CEP135: variants seen among roughly 807,000 people sequenced by gnomAD.
The protein encoded by CEP135 is centrosomal protein 135, also known as centrosomal protein of 135 kDa.
Under a neutral mutation model 157.3 loss-of-function variants are expected in CEP135, and 142 were observed. The observed-to-expected ratio is 0.90, with a 90% CI of 0.79 to 1.04. The LOEUF (loss-of-function observed/expected upper bound fraction) is 1.04, where lower values mean the gene tolerates loss of function less well. Ranked by LOEUF, CEP135 falls within the 50% of genes least tolerant of loss-of-function variation. CEP135 has a pLI of 0.00. For missense variants in CEP135, 1,317 were observed against 1,309.2 expected (o/e 1.01, Z -0.09); for synonymous variants, 396 against 439.8 (o/e 0.90, Z 1.25).
intron 24 of CEP135, among the ~76,000 whole-genome samples, chr4:56,023,654 A>G (rs1731043931): frequency 1.4e-5 from 2 of 144,052 alleles, no homozygotes; most frequent in Admixed American, 1.5e-4. Flanking sequence ...TAATACATAT[A>G]ATATATAATA....
rs1728374499 is a variant in CEP135 at position 55,952,064 on chromosome 4, A to T, written c.-45-22A>T. Reference sequence around the variant, plus strand: ...CAATCATAGCTATAATAAGATAATGATGTTTCATTCTTTTCTCTCAGGACT... The same window carrying T: ...CAATCATAGCTATAATAAGATAATGTTGTTTCATTCTTTTCTCTCAGGACT... On this transcript the variant is annotated intron_variant, in intron 1 of 25. Transcript: ENST00000257287. The T allele has an allele frequency of 6.8e-6, 5 of 735,086 alleles. No homozygotes were observed. In the East Asian group the frequency reaches 1.3e-4, roughly 18 times the overall value. The allele number at this position is 735,086 out of a possible 1,614,324, so 45.5% of individuals were successfully genotyped here.
chr4:55,964,274 A>T lies in CEP135; in HGVS notation c.700A>T (p.Ile234Phe). Residue 234 changes from isoleucine to phenylalanine, a missense_variant and splice_region_variant, in exon 7 of 26, where the codon ATT becomes TTT. Physicochemically the swap from Ile to Phe is conservative, Grantham distance 21. Coordinates refer to ENST00000257287, the MANE Select transcript of CEP135 (RefSeq NM_025009.5). ...ESGVRDYSKQIELREREIERL... is the reference protein window; with the variant it reads ...ESGVRDYSKQFELREREIERL... ...AATGACAGCATGACTATATCTTCAG[A>T]TTGAGCTAAGAGAACGAGAGATAGA... 1 of 1,605,290 alleles carries T rather than the reference A, an allele frequency of 6.2e-7. No individual in the cohort carries two copies. Among genetic ancestry groups the T allele is most frequent in the Non-Finnish European group, 8.5e-7 (1 of 1,176,942 alleles).
rs759850552 is a variant in CEP135, at chr4:55,980,176, A to G, written c.1507A>G (p.Arg503Gly). The G allele has an allele frequency of 3.7e-6, 6 of 1,611,044 alleles. No homozygotes were observed. In the East Asian group the frequency reaches 6.7e-5, roughly 18 times the overall value. ...DYNSEIHQITRERDELQRMLE... is the reference protein window; with the variant it reads ...DYNSEIHQITGERDELQRMLE... ...CAATTCAGAAATTCATCAGATCACAAGAGAAAGAGATGAACTTCAGCGTAT... is the reference window on the plus strand; with the variant it reads ...CAATTCAGAAATTCATCAGATCACAGGAGAAAGAGATGAACTTCAGCGTAT... The change falls in exon 12 of 26, where the codon AGA (arginine) becomes GGA (glycine). Residue 503 changes from arginine to glycine, a missense_variant. Physicochemically the swap from Arg to Gly is moderately radical, Grantham distance 125. Transcript: ENST00000257287.
intron 21 of CEP135, among the ~76,000 whole-genome samples, chr4:56,014,406 G>T (rs535995820): frequency 6.6e-6 from 1 of 152,190 alleles, no homozygotes; most frequent in Admixed American, 6.5e-5. Context: ...ACTCAGAAGA[G>T]ATGAGAGCTG....
At chr4:56,025,357 ATAT>A (rs1423575611) in intron 25 of CEP135, among the ~76,000 whole-genome samples, 1 of 152,180 alleles carries the variant, frequency 6.6e-6, no homozygotes, top group Admixed American at 6.6e-5. Flanking sequence ...CTATCACAGG[ATAT>A]TATTTGATGA....
At chr4:56,027,171 A>T (rs1255606401) in intron 25 of CEP135, among the ~76,000 whole-genome samples, 1 of 152,164 alleles carries the variant, frequency 6.6e-6, no homozygotes. Flanking sequence ...TGTTATTTTC[A>T]TGTGATCAGA....
chr4:56,021,242 A>G (rs1730964323), intron 24 of CEP135, among the ~76,000 whole-genome samples: 1 of 152,188 alleles, frequency 6.6e-6, no homozygotes, highest in Admixed American at 6.5e-5. Context: ...CAGTTAACAA[A>G]TGTGGACCAG....
intron 1 of CEP135, among the ~76,000 whole-genome samples, chr4:55,951,610 A>AT (rs1279399108): frequency 6.6e-6 from 1 of 152,174 alleles, no homozygotes; most frequent in African/African-American, 2.4e-5. Flanking sequence ...TGTTTGTCTT[A>AT]TTATTGAGTT....
intron 14 of CEP135, among the ~76,000 whole-genome samples, chr4:55,991,325 T>C (rs981196806): frequency 6.6e-5 from 10 of 150,614 alleles, no homozygotes; most frequent in African/African-American, 1.7e-4. Flanking sequence ...TTTCTTTTTT[T>C]TTTTTTTTGT....
rs1354999643 is a variant in CEP135 at position 56,031,600 on chromosome 4, TTTA to T, written c.*258_*260del. On this transcript the variant is annotated 3_prime_UTR_variant, in exon 26 of 26. Transcript: ENST00000257287. ...TAATAGTGCCTAATGTATCTATATT[TTTA>T]TTATTCATGAATTAAATTACTAAAA... 2 of 152,424 alleles carry T rather than the reference TTTA, an allele frequency of 1.3e-5. No individual in the cohort carries two copies. Among genetic ancestry groups the T allele is most frequent in the African/African-American group, 2.4e-5 (1 of 41,454 alleles). 9.4% of individuals were successfully genotyped at this position (152,424 alleles called of 1,614,324 possible).
chr4:56,010,436 A>G (rs921346178), intron 19 of CEP135, among the ~76,000 whole-genome samples: 3 of 149,542 alleles, frequency 2.0e-5, no homozygotes, highest in Non-Finnish European at 4.4e-5. Flanking sequence ...ATGCTGCTAT[A>G]TATCACAGGG....
intron 24 of CEP135, among the ~76,000 whole-genome samples, chr4:56,022,966 G>A (rs898696835): frequency 1.3e-5 from 2 of 151,888 alleles, no homozygotes; most frequent in African/African-American, 2.4e-5. Context: ...GCATGAAGGT[G>A]CACAGCTGTA....
chr4:55,965,025 TA>T (rs1346494782), intron 7 of CEP135: 1 of 152,034 alleles, frequency 6.6e-6, no homozygotes, highest in African/African-American at 2.4e-5. Flanking sequence ...ATATAGTAAG[TA>T]AAAAATATCA....
At chr4:55,976,325 G>GT (rs1030863385) in intron 11 of CEP135, among the ~76,000 whole-genome samples, 18 of 151,850 alleles carry the variant, frequency 1.2e-4, no homozygotes, top group Admixed American at 9.8e-4. Context: ...ATGTTGCTGA[G>GT]TTTTTTTTAA....
At position 56,001,040 on chromosome 4, in the gene CEP135, T is replaced by C. The variant is rs188846516; in HGVS notation, c.2280+1395T>C. Among the ~76,000 whole-genome samples, 17 of 152,284 alleles carry C rather than the reference T, an allele frequency of 1.1e-4. No individual in the cohort carries two copies. In the East Asian group the frequency reaches 2.7e-3, roughly 24 times the overall value. Reference sequence around the variant, plus strand: ...CATTTTTTCACATGCTTTTTGGCCATCTGTATATTTTCTTTTGAGAACTGT... The same window carrying C: ...CATTTTTTCACATGCTTTTTGGCCACCTGTATATTTTCTTTTGAGAACTGT... On this transcript the variant is annotated intron_variant, in intron 17 of 25. Coordinates refer to ENST00000257287, the MANE Select transcript of CEP135 (RefSeq NM_025009.5).
intron 19 of CEP135, among the ~76,000 whole-genome samples, chr4:56,010,174 AACC>A (rs1322343895): frequency 1.6e-5 from 1 of 64,160 alleles, no homozygotes; most frequent in Admixed American, 1.9e-4. Context: ...ACATTGTGAA[AACC>A]CCCCCCCCAC....
chr4:55,964,511 T>C, intron 7 of CEP135, 109 bp downstream of exon 7: 1 of 830,740 alleles, frequency 1.2e-6, no homozygotes, highest in Non-Finnish European at 1.7e-6. Flanking sequence ...AGTTGTTCAC[T>C]GAGGTATTAT....
chr4:56,013,071 T>C (rs1392081751), intron 21 of CEP135, among the ~76,000 whole-genome samples: 1 of 152,206 alleles, frequency 6.6e-6, no homozygotes, highest in Non-Finnish European at 1.5e-5. Context: ...TTTTTTTATT[T>C]TTTATAAGAG....
intron 15 of CEP135, among the ~76,000 whole-genome samples, chr4:55,993,298 G>A (rs926144363): frequency 1.3e-5 from 2 of 152,124 alleles, no homozygotes; most frequent in African/African-American, 4.8e-5. Context: ...GAGCAAATAC[G>A]AGAATCAAAG....
Sources: allele counts gnomAD v4.1 joint callset (sites outside exome capture counted in the v4.1 genomes callset), GRCh38; gene constraint gnomAD v4.1.1; transcripts MANE v1.5; gene names NCBI Gene and HGNC (gene_info 2026-07-23, HGNC 2026-07-21).